RCC1L: variants seen among roughly 807,000 people sequenced by gnomAD.
RCC1L encodes RCC1-like G exchanging factor-like protein.
In RCC1L, 46 loss-of-function variants were observed where a neutral mutation model predicts 58.6. That is an observed-to-expected ratio of 0.79 (90% CI 0.62 to 1.00). RCC1L has a LOEUF of 1.00. Ranked by LOEUF, RCC1L falls within the 50% of genes least tolerant of loss-of-function variation. The pLI is 0.00. For missense variants in RCC1L, 636 were observed against 623.6 expected, an observed-to-expected ratio of 1.02 and a Z score of -0.21; for synonymous variants, 281 against 262.9, an observed-to-expected ratio of 1.07 and a Z score of -0.67.
At chr7:75,062,959 C>T (rs925092718) in intron 5 of RCC1L, among the ~76,000 whole-genome samples, 2 of 152,100 alleles carry the variant, frequency 1.3e-5, no homozygotes, top group Admixed American at 6.6e-5. Context: ...CCACCACACC[C>T]GGCTAATTTT....
chr7:75,040,228 G>C (rs1805522246), downstream of RCC1L, among the ~76,000 whole-genome samples: 2 of 152,360 alleles, frequency 1.3e-5, no homozygotes, highest in African/African-American at 4.8e-5. Context: ...TGGAGGCCGA[G>C]GTGGGCGGAT....
chr7:75,056,068 C>A lies in RCC1L; in HGVS notation c.1064G>T (p.Gly355Val). 2 of 1,613,970 alleles carry A rather than the reference C, an allele frequency of 1.2e-6. No homozygotes were observed. Among genetic ancestry groups the A allele is most frequent in the Non-Finnish European group, 1.7e-6 (2 of 1,179,852 alleles). Residue 355 changes from glycine (G) to valine (V), a missense_variant, in exon 9 of 11, where the codon GGA (glycine) becomes GTA (valine). Coordinates refer to ENST00000610322, the MANE Select transcript of RCC1L (RefSeq NM_030798.5). ...GTGCAVLNGE[G>V]HVFVWGYGIL... ...TCCATAGCCCCAGACAAAAACATGT[C>A]CTTCTCCTACATTACAGTAAAAACA...
chr7:75,042,792 G>A lies in RCC1L; in HGVS notation c.*240C>T, dbSNP rs1388598463. ...AGAACAGAGACGTGCGGGCCACAGC[G>A]GCCCACCAAAGGCTGCCATCCAAGC... On this transcript the variant is annotated 3_prime_UTR_variant, in exon 11 of 11. Transcript: ENST00000610322. 12 of 1,431,290 alleles carry A rather than the reference G, an allele frequency of 8.4e-6. No homozygotes were observed. The Admixed American group carries it at 1.2e-4, about 14-fold the overall frequency. The allele number at this position is 1,431,290 out of a possible 1,614,324, so 88.7% of individuals were successfully genotyped here.
intron 10 of RCC1L, among the ~76,000 whole-genome samples, chr7:75,047,307 C>G (rs1042399968): frequency 0.034 from 5,141 of 152,124 alleles, 250 homozygotes; most frequent in African/African-American, 0.1. Flanking sequence ...GTTCTGTTGC[C>G]CCCGGCTGGA....
At position 75,033,630 on chromosome 7, in the gene RCC1L, G is replaced by A. The variant is rs1474981926; in HGVS notation, c.1318-5551C>T. Among the ~76,000 whole-genome samples the A allele has an allele frequency of 3.3e-5, 5 of 151,940 alleles. 1 individual carries two copies. The highest frequency in any genetic ancestry group is 2.6e-4 in the Admixed American group (4 of 15,238). On this transcript the variant is annotated intron_variant, in intron 10 of 10. Transcript: ENST00000614461. ...GAATCGCTTGAACCTGGGAGACAGA[G>A]GTTGCAGTGAGCCGAGACCACGCCA...
downstream of RCC1L, among the ~76,000 whole-genome samples, chr7:75,040,392 G>A (rs1217932070): frequency 2.0e-5 from 3 of 152,094 alleles, no homozygotes; most frequent in South Asian, 2.1e-4. Flanking sequence ...CCCAGGAGGC[G>A]GAGGTTGCAG....
Position 75,070,783 on chromosome 7 carries a change from C to G in RCC1L, c.325-14G>C. Reference sequence around the variant, plus strand: ...AGCAGATGAAATCTGAAAAGCAGTTCCCACAAAGCATGAACTGATTTATAA... The same window carrying G: ...AGCAGATGAAATCTGAAAAGCAGTTGCCACAAAGCATGAACTGATTTATAA... On this transcript the variant is annotated splice_polypyrimidine_tract_variant and intron_variant, in intron 1 of 10. Coordinates refer to ENST00000610322, the MANE Select transcript of RCC1L (RefSeq NM_030798.5). 3 of 1,613,540 alleles carry G rather than the reference C, an allele frequency of 1.9e-6. No homozygotes were observed. Among genetic ancestry groups the G allele is most frequent in the Non-Finnish European group, 1.7e-6 (2 of 1,179,784 alleles).
chr7:75,070,539 C>A, intron 2 of RCC1L, 101 bp downstream of exon 2: 1 of 1,498,338 alleles, frequency 6.7e-7, no homozygotes, highest in Non-Finnish European at 8.9e-7. Flanking sequence ...CCACTGCACT[C>A]TAGCCTGGCA....
At chr7:75,069,417 C>T (rs1287602750) in intron 2 of RCC1L, among the ~76,000 whole-genome samples, 3 of 151,446 alleles carry the variant, frequency 2.0e-5, no homozygotes, top group South Asian at 2.1e-4. Context: ...TGTTGCCCAG[C>T]GTGGTCTGGA....
At chr7:75,027,614 C>T (rs1429721846) in exon 11 of RCC1L, 12 of 200,176 alleles carry the variant, frequency 6.0e-5, no homozygotes, top group East Asian at 1.6e-4. Context: ...GCATGTGTGT[C>T]GGGGCGCGCT....
chr7:75,042,755 T>C lies in RCC1L; in HGVS notation c.*277A>G, dbSNP rs1433659160. ...AGACGTGACACCAGACACCGTCGCA[T>C]GTTACTTGGAGAGAACAGAGACGTG... On this transcript the variant is annotated 3_prime_UTR_variant, in exon 11 of 11. Coordinates refer to ENST00000610322, the MANE Select transcript of RCC1L (RefSeq NM_030798.5). 6 of 1,382,666 alleles carry C rather than the reference T, an allele frequency of 4.3e-6. No individual in the cohort carries two copies. In the African/African-American group the frequency reaches 5.8e-5, roughly 13 times the overall value. The allele number at this position is 1,382,666 out of a possible 1,614,324, so 85.6% of individuals were successfully genotyped here.
chr7:75,069,253 C>T (rs781840045), intron 2 of RCC1L, among the ~76,000 whole-genome samples: 5 of 152,116 alleles, frequency 3.3e-5, no homozygotes, highest in South Asian at 4.1e-4. Flanking sequence ...AGTGCGGTGG[C>T]GCAATCACCG....
intron 1 of RCC1L, 70 bp from the exon 2 acceptor site, chr7:75,070,839 T>C: frequency 6.3e-7 from 1 of 1,584,596 alleles, no homozygotes; most frequent in Admixed American, 1.8e-5. Context: ...AAATGACAGG[T>C]TATTTATCAA....
chr7:75,052,824 T>G (rs1554443503), intron 9 of RCC1L, 28 bp from the exon 10 acceptor site: 1 of 1,601,698 alleles, frequency 6.2e-7, no homozygotes, highest in East Asian at 2.2e-5. Flanking sequence ...CAGGGGTTGG[T>G]TGGGACTGTG....
intron 2 of RCC1L, among the ~76,000 whole-genome samples, chr7:75,068,552 G>T (rs1806593625): frequency 6.6e-6 from 1 of 151,868 alleles, no homozygotes; most frequent in Non-Finnish European, 1.5e-5. Context: ...CAGGTGTGAT[G>T]GCGGGCGCCT....
chr7:75,064,483 A>G (rs1199250872), intron 4 of RCC1L, 99 bp downstream of exon 4: 2 of 1,343,972 alleles, frequency 1.5e-6, no homozygotes, highest in East Asian at 4.6e-5. Context: ...CCTCTCAGGC[A>G]TGCCTCTGAC....
chr7:75,050,791 T>C (rs2131985477), intron 10 of RCC1L, among the ~76,000 whole-genome samples: 1 of 152,160 alleles, frequency 6.6e-6, no homozygotes, highest in South Asian at 2.1e-4. Flanking sequence ...ACAAACAGCT[T>C]TCCAACAAGG....
chr7:75,072,161 C>CATATACATACATAT (rs1455614533), intron 1 of RCC1L, among the ~76,000 whole-genome samples: 1 of 46,368 alleles, frequency 2.2e-5, no homozygotes, highest in South Asian at 8.9e-4. Flanking sequence ...TATACATATA[C>CATATACATACATAT]ATATATATAT....
chr7:75,032,240 G>A (rs1235229325), intron 10 of RCC1L, among the ~76,000 whole-genome samples: 1 of 152,160 alleles, frequency 6.6e-6, no homozygotes, highest in Non-Finnish European at 1.5e-5. Context: ...GTGGGGGGAA[G>A]GAGTTGGACG....
Sources: allele counts gnomAD v4.1 joint callset (sites outside exome capture counted in the v4.1 genomes callset), GRCh38; gene constraint gnomAD v4.1.1; transcripts MANE v1.5; gene names NCBI Gene and HGNC (gene_info 2026-07-23, HGNC 2026-07-21).